Variants in ADGRA3 observed in about 807,000 individuals in gnomAD.
The protein encoded by ADGRA3 is adhesion G protein-coupled receptor A3, also known as G-protein coupled receptor 125.
ADGRA3 carries 56 observed loss-of-function variants against 119.8 expected under a neutral mutation model. The ratio of observed to expected loss-of-function variants is 0.47; its 90% CI spans 0.38 to 0.58. The LOEUF (loss-of-function observed/expected upper bound fraction) is 0.58. Among genes scored for constraint, ADGRA3 ranks in the 20% least tolerant of loss-of-function variants. The pLI, the probability that ADGRA3 is intolerant of heterozygous loss-of-function variation, is 0.00. For synonymous variants in ADGRA3, 607 were observed against 623.8 expected, an observed-to-expected ratio of 0.97 and a Z score of 0.40; for missense variants, 1,516 against 1,649.0, an observed-to-expected ratio of 0.92 and a Z score of 1.40.
At chr4:22,510,596 G>A (rs1352899771) in intron 1 of ADGRA3, among the ~76,000 whole-genome samples, 1 of 151,974 alleles carries the variant, frequency 6.6e-6, no homozygotes, top group Non-Finnish European at 1.5e-5. Context: ...TACGGGCCGG[G>A]CCGATGGTTC....
intron 2 of ADGRA3, among the ~76,000 whole-genome samples, chr4:22,463,363 C>G (rs1351342209): frequency 1.3e-5 from 2 of 152,208 alleles, no homozygotes; most frequent in Non-Finnish European, 2.9e-5. Flanking sequence ...GAAGTAGACC[C>G]TGGACCACTG....
chr4:22,407,159 T>C (rs948893441), intron 14 of ADGRA3, among the ~76,000 whole-genome samples: 3 of 152,130 alleles, frequency 2.0e-5, no homozygotes, highest in Non-Finnish European at 4.4e-5. Flanking sequence ...TAGTCCCAGC[T>C]ACGCAGGAGG....
intron 1 of ADGRA3, among the ~76,000 whole-genome samples, chr4:22,506,624 A>C (rs545691020): frequency 6.6e-6 from 1 of 152,284 alleles, no homozygotes; most frequent in Non-Finnish European, 1.5e-5. Context: ...TGTGGTACTA[A>C]AAGTGGCCAA....
chr4:22,396,130 T>C lies in ADGRA3; in HGVS notation c.2482-3440A>G, dbSNP rs1476615407. 2.0e-5 allele frequency among the ~76,000 whole-genome samples: 3 copies of C among 152,218 alleles called. No individual in the cohort carries two copies. The East Asian group carries it at 5.8e-4, about 29-fold the overall frequency. ...ATCATGAACCAGAACACAGATCCCTTCCAGACTTGAGTCAACGGCCCTTGC... is the reference window on the plus strand; with the variant it reads ...ATCATGAACCAGAACACAGATCCCTCCCAGACTTGAGTCAACGGCCCTTGC... On this transcript the variant is annotated intron_variant, in intron 16 of 18. Transcript: ENST00000334304.
At chr4:22,432,200 C>T (rs1285548069) in intron 10 of ADGRA3, among the ~76,000 whole-genome samples, 2 of 152,168 alleles carry the variant, frequency 1.3e-5, no homozygotes, top group Non-Finnish European at 2.9e-5. Context: ...AAGCCAGTAT[C>T]AAAGTCATGC....
At chr4:22,455,586 T>C (rs969285816) in intron 3 of ADGRA3, among the ~76,000 whole-genome samples, 4 of 152,224 alleles carry the variant, frequency 2.6e-5, no homozygotes, top group Middle Eastern at 3.2e-3. Context: ...TCCTATTAAA[T>C]ATTACCTTCT....
At chr4:22,475,654 G>T (rs534853204) in intron 1 of ADGRA3, among the ~76,000 whole-genome samples, 2 of 152,186 alleles carry the variant, frequency 1.3e-5, no homozygotes, top group East Asian at 1.9e-4. Flanking sequence ...GTGAACCCAG[G>T]GGGTGGAGCT....
At chr4:22,447,575 T>C in intron 4 of ADGRA3, 64 bp from the exon 5 acceptor site, 1 of 1,021,122 alleles carries the variant, frequency 9.8e-7, no homozygotes, top group Admixed American at 2.3e-5. Context: ...TCCTATTTCA[T>C]ATTTTCTAAA....
At chr4:22,474,131 AAAC>A (rs1717956845) in intron 1 of ADGRA3, among the ~76,000 whole-genome samples, 1 of 152,236 alleles carries the variant, frequency 6.6e-6, no homozygotes, top group Admixed American at 6.5e-5. Context: ...ACATAAGCAT[AAAC>A]AATACCATAG....
chr4:22,455,533 T>C (rs1292317458), intron 3 of ADGRA3, among the ~76,000 whole-genome samples: 3 of 152,218 alleles, frequency 2.0e-5, no homozygotes, highest in Admixed American at 1.3e-4. Flanking sequence ...ACAATATCTA[T>C]GATATGGCCC....
intron 16 of ADGRA3, among the ~76,000 whole-genome samples, chr4:22,395,370 A>G (rs1381786828): frequency 6.6e-6 from 1 of 152,224 alleles, no homozygotes; most frequent in Non-Finnish European, 1.5e-5. Flanking sequence ...ATACAAGCAT[A>G]TAGATGATGA....
intron 12 of ADGRA3, among the ~76,000 whole-genome samples, chr4:22,418,774 G>T (rs1715532763): frequency 6.6e-6 from 1 of 152,076 alleles, no homozygotes; most frequent in African/African-American, 2.4e-5. Context: ...CTGCACAGAA[G>T]GGAAGGCTCC....
intron 2 of ADGRA3, among the ~76,000 whole-genome samples, chr4:22,466,794 T>C (rs1172515863): frequency 5.3e-5 from 8 of 151,952 alleles, no homozygotes; most frequent in African/African-American, 1.9e-4. Flanking sequence ...TGCACCTCAG[T>C]TACTTCAACT....
chr4:22,451,609 T>A (rs201754097), intron 4 of ADGRA3, among the ~76,000 whole-genome samples: 7,776 of 72,086 alleles, frequency 0.11, 385 homozygotes, highest in African/African-American at 0.19. Context: ...GGTTGTTTTT[T>A]CTAAAAAAAA....
At chr4:22,477,675 A>T (rs969927728) in intron 1 of ADGRA3, 3 of 152,206 alleles carry the variant, frequency 2.0e-5, no homozygotes, top group African/African-American at 7.2e-5. Context: ...CAGTCATAAA[A>T]GCTTTAGTAC....
intron 17 of ADGRA3, among the ~76,000 whole-genome samples, chr4:22,391,717 A>G (rs1188715583): frequency 1.3e-5 from 2 of 152,190 alleles, no homozygotes; most frequent in African/African-American, 4.8e-5. Flanking sequence ...AAGGCCTCAA[A>G]GCCAACTTTC....
intron 11 of ADGRA3, 84 bp from the exon 12 acceptor site, chr4:22,421,173 A>G (rs1715663515): frequency 9.0e-7 from 1 of 1,113,502 alleles, no homozygotes. Context: ...AACACAAAAC[A>G]CTATGCATTA....
At chr4:22,391,385 C>T (rs575858418) in intron 17 of ADGRA3, among the ~76,000 whole-genome samples, 5 of 152,088 alleles carry the variant, frequency 3.3e-5, no homozygotes, top group Admixed American at 2.6e-4. Context: ...CGTCAAGGCA[C>T]GCTAGCTAGC....
intron 7 of ADGRA3, among the ~76,000 whole-genome samples, chr4:22,441,660 A>T (rs1716619796): frequency 6.6e-6 from 1 of 152,170 alleles, no homozygotes; most frequent in African/African-American, 2.4e-5. Context: ...CAGACCTATA[A>T]ACAATACTTT....
Sources: allele counts gnomAD v4.1 joint callset (sites outside exome capture counted in the v4.1 genomes callset), GRCh38; gene constraint gnomAD v4.1.1; transcripts MANE v1.5; gene names NCBI Gene and HGNC (gene_info 2026-07-23, HGNC 2026-07-21).